Variants in ASPH observed in about 807,000 individuals in gnomAD.
ASPH encodes aspartyl/asparaginyl beta-hydroxylase.
A neutral mutation model predicts 118.4 loss-of-function variants in ASPH; 100 were observed. That is an observed-to-expected ratio of 0.84 (90% CI 0.72 to 1.00). The LOEUF (loss-of-function observed/expected upper bound fraction) is 1.00, where lower values mean the gene tolerates loss of function less well. ASPH is among the 50% of genes least tolerant of loss of function. ASPH has a pLI of 0.00. For synonymous variants in ASPH, 315 were observed against 325.6 expected (o/e 0.97, Z 0.35); for missense variants, 920 against 919.5 (o/e 1.00, Z -0.01).
At chr8:61,654,548 T>A (rs1812667698) in intron 3 of ASPH, among the ~76,000 whole-genome samples, 1 of 152,218 alleles carries the variant, frequency 6.6e-6, no homozygotes, top group African/African-American at 2.4e-5. Flanking sequence ...CTTAAGCAGC[T>A]CTGTGCAGCT....
intron 9 of ASPH, 77 bp from the exon 10 acceptor site, chr8:61,642,997 T>C: frequency 6.2e-6 from 8 of 1,286,720 alleles, no homozygotes; most frequent in Non-Finnish European, 8.5e-6. Flanking sequence ...TAAAACAAAA[T>C]ACTACTTAAT....
At chr8:61,688,915 T>C (rs1831649042) in intron 1 of ASPH, among the ~76,000 whole-genome samples, 2 of 152,228 alleles carry the variant, frequency 1.3e-5, no homozygotes, top group African/African-American at 2.4e-5. Context: ...TCAAATAATA[T>C]TCACATAGTA....
intron 16 of ASPH, among the ~76,000 whole-genome samples, chr8:61,574,547 A>C (rs1276003836): frequency 6.6e-6 from 1 of 152,126 alleles, no homozygotes; most frequent in Non-Finnish European, 1.5e-5. Flanking sequence ...CGTCTTTTAC[A>C]GGGACGTGGA....
chr8:61,700,811 A>T (rs1229012091), intron 1 of ASPH, among the ~76,000 whole-genome samples: 2 of 152,164 alleles, frequency 1.3e-5, no homozygotes, highest in East Asian at 3.8e-4. Flanking sequence ...TTACATCATC[A>T]CCTTGTTTGT....
At chr8:61,699,132 T>C (rs2151849975) in intron 1 of ASPH, among the ~76,000 whole-genome samples, 1 of 152,350 alleles carries the variant, frequency 6.6e-6, no homozygotes, top group African/African-American at 2.4e-5. Context: ...GTGCCTGAAG[T>C]GAGGGCAGTC....
At chr8:61,648,364 G>C (rs922520098) in intron 5 of ASPH, among the ~76,000 whole-genome samples, 1 of 152,152 alleles carries the variant, frequency 6.6e-6, no homozygotes, top group Non-Finnish European at 1.5e-5. Flanking sequence ...AGGTGTTAGA[G>C]AATCAGGCAG....
chr8:61,683,174 A>C (rs1244949575), intron 2 of ASPH, among the ~76,000 whole-genome samples: 2 of 152,102 alleles, frequency 1.3e-5, no homozygotes, highest in Admixed American at 1.3e-4. Flanking sequence ...GTTTCCCAGG[A>C]GAGGGAAAGA....
intron 1 of ASPH, among the ~76,000 whole-genome samples, chr8:61,696,920 C>T (rs538404550): frequency 6.6e-6 from 1 of 152,288 alleles, no homozygotes; most frequent in Non-Finnish European, 1.5e-5. Context: ...GGCAATGAGA[C>T]AAGGACACAC....
rs1272054866 is a variant in ASPH at position 61,584,010 on chromosome 8, T to C, written c.996A>G (p.Lys332=). The change falls in exon 15 of 25, where the codon AAA becomes AAG. Residue 332 remains lysine, a synonymous_variant. Transcript: ENST00000379454. ...TAGTCTTATCAAATTTATTTAAAAG[T>C]TTAGGCTTCTTTTTCTTAACTGAAA... is the stretch of plus-strand genomic sequence containing the variant. The part of the protein sequence containing the change: ...QKAKVKKKKP[K]LLNKFDKTIK... 1.3e-6 allele frequency: 2 copies of C among 1,551,248 alleles called. No individual in the cohort carries two copies.
intron 2 of ASPH, chr8:61,682,383 G>C: frequency 3.8e-5 from 57 of 1,518,520 alleles, no homozygotes; most frequent in Non-Finnish European, 5.0e-5. Context: ...GTAGAAAAAG[G>C]ATGAGCCATT....
At chr8:61,582,762 T>A (rs1240299496) in intron 15 of ASPH, among the ~76,000 whole-genome samples, 1 of 152,226 alleles carries the variant, frequency 6.6e-6, no homozygotes, top group East Asian at 1.9e-4. Context: ...GTTGTTTGTT[T>A]ACTTAAAGCC....
At chr8:61,692,947 G>GA (rs36120544) in intron 1 of ASPH, among the ~76,000 whole-genome samples, 25 of 125,366 alleles carry the variant, frequency 2.0e-4, no homozygotes, top group African/African-American at 4.4e-4. Context: ...CCACCAGAAG[G>GA]AAAAAAAAAA....
At chr8:61,676,807 C>T (rs1002330596) in intron 3 of ASPH, among the ~76,000 whole-genome samples, 4 of 152,026 alleles carry the variant, frequency 2.6e-5, no homozygotes, top group Admixed American at 6.6e-5. Flanking sequence ...TTTCCTCAAA[C>T]TTCTCCCCTC....
chr8:61,646,325 A>G (rs1462222203), intron 6 of ASPH, among the ~76,000 whole-genome samples: 2 of 152,164 alleles, frequency 1.3e-5, no homozygotes, highest in African/African-American at 4.8e-5. Flanking sequence ...GCTATTTACA[A>G]AAAAAAGTTT....
chr8:61,649,248 A>G (rs1420755096), intron 5 of ASPH, among the ~76,000 whole-genome samples: 1 of 152,130 alleles, frequency 6.6e-6, no homozygotes. Context: ...ATGTGAGGGG[A>G]GAAGAAAAAT....
intron 22 of ASPH, among the ~76,000 whole-genome samples, chr8:61,519,983 CTTATA>C (rs987483067): frequency 6.6e-6 from 1 of 152,122 alleles, no homozygotes; most frequent in Non-Finnish European, 1.5e-5. Context: ...AGGAAAATAG[CTTATA>C]TTATATTTCT....
At chr8:61,566,274 G>A (rs113890666) in intron 17 of ASPH, among the ~76,000 whole-genome samples, 14,868 of 152,238 alleles carry the variant, frequency 0.098, 762 homozygotes, top group Non-Finnish European at 0.12. Flanking sequence ...CTTCAGTGGA[G>A]GAAGTAACTA....
At chr8:61,554,777 G>A (rs531120294) in intron 19 of ASPH, among the ~76,000 whole-genome samples, 9 of 151,928 alleles carry the variant, frequency 5.9e-5, no homozygotes, top group Non-Finnish European at 1.2e-4. Context: ...TCAGTCTGTC[G>A]CTCACGCTGG....
intron 1 of ASPH, among the ~76,000 whole-genome samples, chr8:61,709,121 A>C (rs1837457317): frequency 6.6e-6 from 1 of 152,148 alleles, no homozygotes; most frequent in African/African-American, 2.4e-5. Context: ...GCTGTGGCCA[A>C]TTTGATAGGA....
Sources: allele counts gnomAD v4.1 joint callset (sites outside exome capture counted in the v4.1 genomes callset), GRCh38; gene constraint gnomAD v4.1.1; transcripts MANE v1.5; gene names NCBI Gene and HGNC (gene_info 2026-07-23, HGNC 2026-07-21).